C7: variants seen among roughly 807,000 people sequenced by gnomAD.
C7 encodes complement component C7.
Under a neutral mutation model 104.8 loss-of-function variants are expected in C7, and 83 were observed. That is an observed-to-expected ratio of 0.79 (90% confidence interval 0.66 to 0.95). The LOEUF (loss-of-function observed/expected upper bound fraction) is 0.95, where lower values mean the gene tolerates loss of function less well. Among genes scored for constraint, C7 ranks in the 40% least tolerant of loss-of-function variants. C7 has a pLI of 0.00. For synonymous variants in C7, 415 were observed against 360.6 expected, an observed-to-expected ratio of 1.15 and a Z score of -1.71; for missense variants, 1,070 against 1,011.2, an observed-to-expected ratio of 1.06 and a Z score of -0.79.
chr5:40,978,873 A>ATTTTTTTTTTTTTTTTTTTTTTTG (rs1740875496), intron 16 of C7, among the ~76,000 whole-genome samples: 1 of 80,084 alleles, frequency 1.2e-5, no homozygotes, highest in African/African-American at 4.3e-5. Context: ...TTTTATGGAA[A>ATTTTTTTTTTTTTTTTTTTTTTTG]TTTTTTTTTT....
In C7 at chr5:40,955,374, T is replaced by G. The variant is rs1740265686; in HGVS notation, c.1094-13T>G. On this transcript the variant is annotated splice_polypyrimidine_tract_variant and intron_variant, in intron 9 of 17. Coordinates refer to ENST00000313164, the MANE Select transcript of C7 (RefSeq NM_000587.4). Reference sequence around the variant, plus strand: ...ATAGACTTTTCACTTTTCATTTGCTTTCTTCTGTATAGGAACCCAGAACAA... The same window carrying G: ...ATAGACTTTTCACTTTTCATTTGCTGTCTTCTGTATAGGAACCCAGAACAA... 4.3e-5 allele frequency: 67 copies of G among 1,567,208 alleles called. No homozygotes were observed. Among genetic ancestry groups the G allele is most frequent in the Non-Finnish European group, 5.7e-5 (67 of 1,165,386 alleles).
At chr5:40,950,242 CTCTG>C (rs70988820) in intron 9 of C7, among the ~76,000 whole-genome samples, 77,781 of 151,464 alleles carry the variant, frequency 0.51, 21,162 homozygotes, top group Middle Eastern at 0.63. Flanking sequence ...TGTGTTGCTC[CTCTG>C]TCTATTTCCA....
At chr5:40,940,680 T>C (rs1739916731) in intron 6 of C7, among the ~76,000 whole-genome samples, 1 of 152,248 alleles carries the variant, frequency 6.6e-6, no homozygotes, top group Non-Finnish European at 1.5e-5. Flanking sequence ...ATTTAAATGA[T>C]GGTTAAAAAT....
At chr5:40,914,322 T>C (rs1739273405) in intron 1 of C7, among the ~76,000 whole-genome samples, 1 of 152,160 alleles carries the variant, frequency 6.6e-6, no homozygotes, top group African/African-American at 2.4e-5. Flanking sequence ...GTTGTTTTTG[T>C]TGTTATCATT....
rs146088170 is a variant in C7 at position 40,980,413 on chromosome 5, G to T, written c.2350+504G>T. The T allele has an allele frequency of 2.0e-5, 3 of 152,414 alleles. 1 individual carries two copies. Among genetic ancestry groups the T allele is most frequent in the Middle Eastern group, 6.8e-3 (2 of 296 alleles). 9.4% of individuals were successfully genotyped at this position (152,414 alleles called of 1,614,324 possible). A position where few individuals can be genotyped will look rare whatever the true frequency, so the allele number is the denominator to read the frequency against. ...TGTGAGTTTAGCAAGTGTTAGAGGGGTGTTAAAAACATACTAGCACCAAGC... is the reference window on the plus strand; with the variant it reads ...TGTGAGTTTAGCAAGTGTTAGAGGGTTGTTAAAAACATACTAGCACCAAGC... On this transcript the variant is annotated intron_variant, in intron 17 of 17. Coordinates refer to ENST00000313164, the MANE Select transcript of C7 (RefSeq NM_000587.4).
At chr5:40,980,173 T>C (rs1429073205) in intron 17 of C7, 2 of 332,944 alleles carry the variant, frequency 6.0e-6, no homozygotes, top group African/African-American at 2.1e-5. Flanking sequence ...ACCTTCATGA[T>C]TTTTACTCTG....
intron 7 of C7, among the ~76,000 whole-genome samples, chr5:40,946,299 T>A (rs1478584205): frequency 6.6e-6 from 1 of 152,236 alleles, no homozygotes; most frequent in Non-Finnish European, 1.5e-5. Flanking sequence ...CTAATTGATA[T>A]ACAGTTATGG....
chr5:40,970,372 G>A (rs1384288525), intron 14 of C7, among the ~76,000 whole-genome samples: 2 of 152,034 alleles, frequency 1.3e-5, no homozygotes, highest in Non-Finnish European at 2.9e-5. Flanking sequence ...TATACTATGT[G>A]TGTTTTTTCT....
At chr5:40,968,092 C>T (rs1740598021) in intron 14 of C7, among the ~76,000 whole-genome samples, 1 of 151,198 alleles carries the variant, frequency 6.6e-6, no homozygotes, top group Non-Finnish European at 1.5e-5. Context: ...GTTTGTTTTC[C>T]ATCTTTTCCC....
intron 3 of C7, among the ~76,000 whole-genome samples, chr5:40,932,180 T>C (rs1739700483): frequency 6.6e-6 from 1 of 152,210 alleles, no homozygotes; most frequent in African/African-American, 2.4e-5. Context: ...TATCATAGTT[T>C]TGTATTCTAT....
intron 15 of C7, among the ~76,000 whole-genome samples, chr5:40,976,407 T>C (rs1740820803): frequency 6.6e-6 from 1 of 152,208 alleles, no homozygotes; most frequent in Admixed American, 6.5e-5. Context: ...ATGTGTGAAG[T>C]AGCACCAACT....
At chr5:40,942,659 T>C (rs536071121) in intron 6 of C7, among the ~76,000 whole-genome samples, 16 of 152,182 alleles carry the variant, frequency 1.1e-4, no homozygotes, top group Non-Finnish European at 1.3e-4. Flanking sequence ...GGGAACTGAC[T>C]AGAGAAATAA....
intron 14 of C7, among the ~76,000 whole-genome samples, chr5:40,965,637 T>C (rs968461522): frequency 1.3e-5 from 1 of 76,792 alleles, no homozygotes; most frequent in African/African-American, 7.6e-5. Context: ...GATATATATA[T>C]ATATATATAT....
At chr5:40,938,041 A>G (rs1739853716) in intron 6 of C7, among the ~76,000 whole-genome samples, 1 of 152,130 alleles carries the variant, frequency 6.6e-6, no homozygotes, top group South Asian at 2.1e-4. Context: ...GTGTCAGCTC[A>G]CTTAAAATGC....
chr5:40,931,053 C>T lies in C7; in HGVS notation c.63-11C>T. 2.5e-6 allele frequency: 4 copies of T among 1,598,286 alleles called. No homozygotes were observed. The highest frequency in any genetic ancestry group is 3.4e-6 in the Non-Finnish European group (4 of 1,165,854). On this transcript the variant is annotated splice_polypyrimidine_tract_variant and intron_variant, in intron 2 of 17. Transcript: ENST00000313164. ...ACCTGCTTTATGATGGACAATTTGA[C>T]ACTGTGGCAGTGCCTCCTCTCCAGT...
At chr5:40,965,420 T>G (rs1254995839) in intron 14 of C7, among the ~76,000 whole-genome samples, 3 of 152,128 alleles carry the variant, frequency 2.0e-5, no homozygotes, top group Non-Finnish European at 4.4e-5. Flanking sequence ...CATACATATA[T>G]TTCTCCCTTT....
At chr5:40,960,506 C>T (rs1740400056) in intron 12 of C7, among the ~76,000 whole-genome samples, 1 of 152,110 alleles carries the variant, frequency 6.6e-6, no homozygotes, top group Non-Finnish European at 1.5e-5. Flanking sequence ...GAAGAGGATG[C>T]TGGCTGCTGT....
rs1449346563 is a variant in C7 at position 40,935,519 on chromosome 5, A to G, written c.281-819A>G. Among the ~76,000 whole-genome samples, 5 of 152,292 alleles carry G rather than the reference A, an allele frequency of 3.3e-5. No individual in the cohort carries two copies. In the South Asian group the frequency reaches 1.0e-3, roughly 32 times the overall value. On this transcript the variant is annotated intron_variant, in intron 4 of 17. Transcript: ENST00000313164. ...TGAGGCAGCGATGGTTTTCAAGAGG[A>G]GATAATGTTTAATTTGATTCTTGAA...
intron 15 of C7, among the ~76,000 whole-genome samples, chr5:40,975,474 C>T (rs544916200): frequency 2.9e-4 from 44 of 151,860 alleles, no homozygotes; most frequent in Non-Finnish European, 3.8e-4. Context: ...AGCAATTCTC[C>T]TGCCTCAGCC....
Sources: gnomAD v4.1 joint callset for allele counts (sites outside exome capture counted in the v4.1 genomes callset) on GRCh38, gnomAD v4.1.1 for gene constraint, MANE v1.5 for transcripts, NCBI Gene and HGNC (gene_info 2026-07-23, HGNC 2026-07-21) for gene names.